The following BEND6 variants were observed in gnomAD, a reference collection of about 807,000 sequenced individuals.
The protein encoded by BEND6 is BEN domain containing 6, also known as BEN domain-containing protein 6.
BEND6 carries 24 observed loss-of-function variants against 31.8 expected under a neutral mutation model. The ratio of observed to expected loss-of-function variants is 0.75; its 90% CI spans 0.55 to 1.06. The LOEUF is 1.06. Among genes scored for constraint, BEND6 ranks in the 50% least tolerant of loss-of-function variants. The probability of loss-of-function intolerance (pLI) is 0.00; values close to 1 mark genes in which losing one functional copy is unlikely to be tolerated. For missense variants in BEND6, 294 were observed against 327.4 expected, an observed-to-expected ratio of 0.90 and a Z score of 0.79; for synonymous variants, 109 against 114.6, an observed-to-expected ratio of 0.95 and a Z score of 0.31.
In BEND6 at chr6:57,017,325, G is replaced by A. The variant is rs1442165477; in HGVS notation, c.638G>A (p.Gly213Glu). The change falls in exon 5 of 7, where the codon GGG becomes GAG. Residue 213 changes from glycine to glutamate, a missense_variant. By Grantham distance (98) the Gly-to-Glu change is moderately conservative. Transcript: ENST00000370746. Reference protein sequence around the residue: ...NEYMATHSLTGAKSSTSRDKA... With the variant: ...NEYMATHSLTEAKSSTSRDKA... ...TACATGGCCACTCACAGCCTGACAG[G>A]GGCAAAATCCTCTACTTCAAGGGAC... is the stretch of plus-strand genomic sequence containing the variant. 3 of 1,455,800 alleles carry A rather than the reference G, an allele frequency of 2.1e-6. No individual in the cohort carries two copies. Among genetic ancestry groups the A allele is most frequent in the Non-Finnish European group, 2.7e-6 (3 of 1,099,970 alleles). The allele number at this position is 1,455,800 out of a possible 1,614,324, so 90.2% of individuals were successfully genotyped here. A position where few individuals can be genotyped will look rare whatever the true frequency, so the allele number is the denominator to read the frequency against.
intron 1 of BEND6, among the ~76,000 whole-genome samples, chr6:56,959,017 A>G (rs1323996991): frequency 6.6e-6 from 1 of 152,244 alleles, no homozygotes; most frequent in Non-Finnish European, 1.5e-5. Flanking sequence ...ATAAAGGCCA[A>G]TGGTGATTAT....
intron 3 of BEND6, chr6:57,008,404 T>C: frequency 1.7e-6 from 1 of 601,058 alleles, no homozygotes; most frequent in Non-Finnish European, 3.0e-6. Context: ...GTTTAACTAT[T>C]TGCTCAATGT....
intron 6 of BEND6, among the ~76,000 whole-genome samples, chr6:57,022,463 G>A (rs112542866): frequency 0.02 from 2,953 of 150,874 alleles, 90 homozygotes; most frequent in African/African-American, 0.068. Flanking sequence ...GTGTGGTCTC[G>A]GTTATTATGT....
At chr6:57,023,148 T>C (rs868768310) in intron 6 of BEND6, among the ~76,000 whole-genome samples, 31 of 152,232 alleles carry the variant, frequency 2.0e-4, no homozygotes, top group African/African-American at 7.2e-4. Flanking sequence ...ATGTGATCTA[T>C]GGTGTACTTT....
chr6:57,011,715 C>CAAAAAAAAAAAAAAAAAAAAGAAAA (rs1827350149), intron 3 of BEND6, among the ~76,000 whole-genome samples: 1 of 34,112 alleles, frequency 2.9e-5, no homozygotes, highest in Non-Finnish European at 5.9e-5. Context: ...GGCCCTGTCT[C>CAAAAAAAAAAAAAAAAAAAAGAAAA]AAAAAAAAAA....
At chr6:57,024,475 T>C (rs1827843750) in intron 6 of BEND6, among the ~76,000 whole-genome samples, 1 of 152,146 alleles carries the variant, frequency 6.6e-6, no homozygotes, top group South Asian at 2.1e-4. Flanking sequence ...CTCTGCTGGA[T>C]ACAGTATTTT....
intron 1 of BEND6, among the ~76,000 whole-genome samples, chr6:56,980,270 C>A (rs1335208987): frequency 1.3e-5 from 2 of 152,194 alleles, no homozygotes; most frequent in African/African-American, 2.4e-5. Context: ...TTCACTACAA[C>A]TTCCACCTCC....
At chr6:56,966,817 G>C (rs974280128) in intron 1 of BEND6, among the ~76,000 whole-genome samples, 1 of 152,208 alleles carries the variant, frequency 6.6e-6, no homozygotes, top group African/African-American at 2.4e-5. Flanking sequence ...CTCTGGTACA[G>C]ATGATGAAGC....
chr6:56,966,973 A>G (rs1001998045), intron 1 of BEND6, among the ~76,000 whole-genome samples: 2 of 152,232 alleles, frequency 1.3e-5, no homozygotes, highest in African/African-American at 2.4e-5. Flanking sequence ...GGATCATGTC[A>G]GAACATGGAA....
At chr6:56,977,980 T>G in intron 1 of BEND6, among the ~76,000 whole-genome samples, 1 of 151,284 alleles carries the variant, frequency 6.6e-6, no homozygotes, top group East Asian at 1.9e-4. Flanking sequence ...GGGTGTACAA[T>G]TCAACCAAGT....
At chr6:56,956,358 T>G (rs1824971013) in intron 1 of BEND6, among the ~76,000 whole-genome samples, 1 of 152,226 alleles carries the variant, frequency 6.6e-6, no homozygotes, top group South Asian at 2.1e-4. Context: ...TCAAAATCAG[T>G]GTTGTTTTCC....
chr6:57,000,884 G>GA (rs142783287), intron 3 of BEND6, among the ~76,000 whole-genome samples: 2,253 of 99,656 alleles, frequency 0.023, 102 homozygotes, highest in African/African-American at 0.081. Flanking sequence ...CACTTCCTCT[G>GA]AAAAAAAAAA....
chr6:56,994,289 C>G (rs1826618240), intron 3 of BEND6, among the ~76,000 whole-genome samples: 1 of 151,586 alleles, frequency 6.6e-6, no homozygotes, highest in Non-Finnish European at 1.5e-5. Flanking sequence ...GAAACCCCGT[C>G]TCTACTAAAA....
chr6:56,998,943 C>T (rs1187762005), intron 3 of BEND6, among the ~76,000 whole-genome samples: 1 of 152,100 alleles, frequency 6.6e-6, no homozygotes, highest in Non-Finnish European at 1.5e-5. Flanking sequence ...AACCCAATAG[C>T]AAAAAATCAA....
chr6:57,025,495 T>A (rs1827871723), intron 6 of BEND6, among the ~76,000 whole-genome samples: 1 of 152,198 alleles, frequency 6.6e-6, no homozygotes, highest in Non-Finnish European at 1.5e-5. Context: ...CTGCCTGACC[T>A]GAATGGGGGA....
At position 56,970,475 on chromosome 6, in the gene BEND6, C is replaced by G. The variant is rs184903239; in HGVS notation, c.-100-11236C>G. 2.0e-5 allele frequency among the ~76,000 whole-genome samples: 3 copies of G among 152,212 alleles called. No individual in the cohort carries two copies. The East Asian group carries it at 5.8e-4, about 29-fold the overall frequency. On this transcript the variant is annotated intron_variant, in intron 1 of 6. Coordinates refer to ENST00000370746, the MANE Select transcript of BEND6 (RefSeq NM_152731.3). ...CAGGCGTGAACCACCACACACTGCC[C>G]CAACCACATATTGTAAGTGTTATCA...
At chr6:56,982,076 G>A in intron 2 of BEND6, 146 bp downstream of exon 2, 1 of 1,077,738 alleles carries the variant, frequency 9.3e-7, no homozygotes, top group South Asian at 1.8e-5. Context: ...ATAATCTTAT[G>A]TTCTTTTTCT....
At chr6:57,014,982 A>G (rs1827481449) in intron 3 of BEND6, 151 bp from the exon 4 acceptor site, 1 of 572,880 alleles carries the variant, frequency 1.7e-6, no homozygotes, top group Middle Eastern at 3.9e-4. Flanking sequence ...ATATGTTCCA[A>G]ACACCTTTCC....
In BEND6 at chr6:56,985,724, T is replaced by C. The variant is rs539870930; in HGVS notation, c.120+3794T>C. On this transcript the variant is annotated intron_variant, in intron 2 of 6. Transcript: ENST00000370746. ...ATACAAGAATGGTAGAATAGACACC[T>C]GGAGATAGCTAGCAGTCTCTGCACT... Among the ~76,000 whole-genome samples the C allele has an allele frequency of 2.0e-5, 3 of 152,320 alleles. No individual in the cohort carries two copies. The South Asian group carries it at 6.2e-4, about 32-fold the overall frequency.
Sources: allele counts gnomAD v4.1 joint callset (sites outside exome capture counted in the v4.1 genomes callset), GRCh38; gene constraint gnomAD v4.1.1; transcripts MANE v1.5; gene names NCBI Gene and HGNC (gene_info 2026-07-23, HGNC 2026-07-21).